SLBP: variants seen among roughly 807,000 people sequenced by gnomAD.
SLBP encodes the protein histone RNA hairpin-binding protein.
SLBP carries 29 observed loss-of-function variants against 39.2 expected under a neutral mutation model. That is an observed-to-expected ratio of 0.74 (90% CI 0.55 to 1.01). SLBP has a LOEUF of 1.01. Ranked by LOEUF, SLBP falls within the 50% of genes least tolerant of loss-of-function variation. The pLI, the probability that SLBP is intolerant of heterozygous loss-of-function variation, is 0.00. For synonymous variants in SLBP, 129 were observed against 118.7 expected, an observed-to-expected ratio of 1.09 and a Z score of -0.57; for missense variants, 390 against 350.2, an observed-to-expected ratio of 1.11 and a Z score of -0.91.
rs151014824 is a variant in SLBP at position 1,701,876 on chromosome 4, C to T, written c.281+1720G>A. Among the ~76,000 whole-genome samples, 808 of 152,290 alleles carry T rather than the reference C, an allele frequency of 5.3e-3. 3 individuals are homozygous for T. The highest frequency in any genetic ancestry group is 0.018 in the African/African-American group (767 of 41,570). ...GAGCTGAGATTGCATCATTACACTC[C>T]AGCCTGGGAAACAGAGCAAGACTCC... On this transcript the variant is annotated intron_variant, in intron 3 of 7. Transcript: ENST00000489418.
Position 1,696,311 on chromosome 4 carries a change from T to C in SLBP, c.520A>G (p.Lys174Glu). 6.2e-7 allele frequency: 1 copy of C among 1,600,678 alleles called. No homozygotes were observed. The highest frequency in any genetic ancestry group is 8.5e-7 in the Non-Finnish European group (1 of 1,174,228). ...QPGIHPKTPNKFKKYSRRSWD... is the reference protein window; with the variant it reads ...QPGIHPKTPNEFKKYSRRSWD... ...GAACGTCGACTATACTTCTTAAATT[T>C]ATTAGGGGTCTTGGGATGAATGCCA... The change falls in exon 6 of 8, where the codon AAA (lysine) becomes GAA (glutamate). Residue 174 changes from lysine (K) to glutamate (E), a missense_variant. Coordinates refer to ENST00000489418, the MANE Select transcript of SLBP (RefSeq NM_006527.4).
intron 2 of SLBP, among the ~76,000 whole-genome samples, chr4:1,711,551 G>A (rs1716770665): frequency 6.6e-6 from 1 of 152,270 alleles, no homozygotes; most frequent in South Asian, 2.1e-4. Flanking sequence ...CGGGACTCGG[G>A]TGTCCCTGAC....
chr4:1,698,544 GTGCAATCTCGGCTCAC>G (rs1242676034), intron 5 of SLBP, among the ~76,000 whole-genome samples: 2 of 151,450 alleles, frequency 1.3e-5, no homozygotes, highest in African/African-American at 2.4e-5. Context: ...GAGTGCAGTG[GTGCAATCTCGGCTCAC>G]TGCAACCTCC....
intron 3 of SLBP, among the ~76,000 whole-genome samples, chr4:1,700,863 C>G (rs982907779): frequency 6.6e-6 from 1 of 152,126 alleles, no homozygotes; most frequent in Non-Finnish European, 1.5e-5. Context: ...CACCCCTGGC[C>G]TGTCATGCAG....
intron 3 of SLBP, among the ~76,000 whole-genome samples, chr4:1,702,311 G>A (rs1716357349): frequency 6.6e-6 from 1 of 152,092 alleles, no homozygotes; most frequent in South Asian, 2.1e-4. Flanking sequence ...CTTCTACCAA[G>A]GCATACATCC....
At chr4:1,704,526 G>T (rs142216344) in intron 2 of SLBP, among the ~76,000 whole-genome samples, 1 of 152,092 alleles carries the variant, frequency 6.6e-6, no homozygotes, top group Non-Finnish European at 1.5e-5. Flanking sequence ...GACCACCAAA[G>T]AATTCCATTA....
At chr4:1,703,868 C>T (rs1716421668) in intron 2 of SLBP, among the ~76,000 whole-genome samples, 168 bp from the exon 3 acceptor site, 4 of 152,126 alleles carry the variant, frequency 2.6e-5, no homozygotes, top group Admixed American at 2.6e-4. Flanking sequence ...AGTTCAAGAC[C>T]AGCATGGGCA....
chr4:1,702,087 A>G (rs1032328558), intron 3 of SLBP, among the ~76,000 whole-genome samples: 1 of 152,214 alleles, frequency 6.6e-6, no homozygotes, highest in African/African-American at 2.4e-5. Flanking sequence ...ATACGCATGA[A>G]TAAGAGCTGC....
At chr4:1,706,667 G>A (rs753577976) in intron 2 of SLBP, among the ~76,000 whole-genome samples, 5 of 151,936 alleles carry the variant, frequency 3.3e-5, no homozygotes, top group African/African-American at 1.2e-4. Context: ...TTGGCTAGGC[G>A]TGGCAGCGCG....
intron 3 of SLBP, among the ~76,000 whole-genome samples, chr4:1,703,061 A>G (rs747321698): frequency 1.3e-5 from 2 of 151,906 alleles, no homozygotes; most frequent in Non-Finnish European, 2.9e-5. Context: ...ACATAGTGAA[A>G]CCCCATCTCT....
intron 5 of SLBP, among the ~76,000 whole-genome samples, chr4:1,698,594 C>T (rs1048704216): frequency 6.7e-6 from 1 of 148,690 alleles, no homozygotes; most frequent in East Asian, 2.1e-4. Context: ...AAGTGATTCT[C>T]CTGCCTCAGC....
intron 3 of SLBP, 100 bp from the exon 4 acceptor site, chr4:1,700,170 T>C (rs993397820): frequency 2.2e-5 from 15 of 691,564 alleles, no homozygotes; most frequent in Non-Finnish European, 2.9e-5. Flanking sequence ...CACACCATCC[T>C]ATGCAATCCA....
At chr4:1,694,308 C>T (rs954609832) in intron 7 of SLBP, among the ~76,000 whole-genome samples, 8 of 152,144 alleles carry the variant, frequency 5.3e-5, no homozygotes, top group African/African-American at 1.9e-4. Context: ...GTCTTGAACT[C>T]CTGACTTCAG....
intron 4 of SLBP, 29 bp from the exon 5 acceptor site, chr4:1,699,730 G>A (rs753186678): frequency 6.2e-7 from 1 of 1,606,404 alleles, no homozygotes; most frequent in East Asian, 2.2e-5. Flanking sequence ...AACAGAATAA[G>A]CCCTGCAATT....
At position 1,699,674 on chromosome 4, in the gene SLBP, A is replaced by G; in HGVS notation, c.369T>C (p.Thr123=). The change falls in exon 5 of 8, where the codon ACT becomes ACC. Residue 123 remains threonine (T), a synonymous_variant. Coordinates refer to ENST00000489418, the MANE Select transcript of SLBP (RefSeq NM_006527.4). ...GSSDSKESMS[T]VPADFETDES... is the part of the protein sequence containing the mutation. ...CATCTGTCTCAAAGTCAGCCGGCAC[A>G]GTAGACATAGACTCCTTTGAATCAG... 6.2e-7 allele frequency: 1 copy of G among 1,613,916 alleles called. No homozygotes were observed. Among genetic ancestry groups the G allele is most frequent in the Non-Finnish European group, 8.5e-7 (1 of 1,179,800 alleles).
chr4:1,693,534 G>A lies in SLBP; in HGVS notation c.*63C>T, dbSNP rs994643828. 2 of 932,312 alleles carry A rather than the reference G, an allele frequency of 2.1e-6. No homozygotes were observed. Among genetic ancestry groups the A allele is most frequent in the African/African-American group, 1.6e-5 (1 of 62,142 alleles). The allele number at this position is 932,312 out of a possible 1,614,324, so 57.8% of individuals were successfully genotyped here. ...GTACAAGTGCACACACATGCTTGGT[G>A]CCTGGCCAGCCTTCCACCTAGTCGG... On this transcript the variant is annotated 3_prime_UTR_variant, in exon 8 of 8. Coordinates refer to ENST00000489418, the MANE Select transcript of SLBP (RefSeq NM_006527.4).
intron 7 of SLBP, among the ~76,000 whole-genome samples, 172 bp downstream of exon 7, chr4:1,694,602 G>A (rs1456076053): frequency 6.6e-6 from 1 of 151,610 alleles, no homozygotes; most frequent in Non-Finnish European, 1.5e-5. Flanking sequence ...TGTTGGCCAG[G>A]CTAGTCTTGA....
chr4:1,709,151 C>T (rs1212924080), intron 2 of SLBP, among the ~76,000 whole-genome samples: 3 of 152,032 alleles, frequency 2.0e-5, no homozygotes, highest in Non-Finnish European at 4.4e-5. Context: ...GCAACCTCCA[C>T]CTCCTGGGTT....
At chr4:1,700,778 T>G (rs1160042420) in intron 3 of SLBP, among the ~76,000 whole-genome samples, 1 of 152,184 alleles carries the variant, frequency 6.6e-6, no homozygotes, top group East Asian at 1.9e-4. Context: ...TTGCCCAGGC[T>G]GCTCTTGAAC....
Sources: gnomAD v4.1 joint callset for allele counts (sites outside exome capture counted in the v4.1 genomes callset) on GRCh38, gnomAD v4.1.1 for gene constraint, MANE v1.5 for transcripts, NCBI Gene and HGNC (gene_info 2026-07-23, HGNC 2026-07-21) for gene names.